Variants in PCDHA7 observed in about 807,000 individuals in gnomAD.
PCDHA7 encodes the protein protocadherin alpha 7.
A neutral mutation model predicts 57.2 loss-of-function variants in PCDHA7; 37 were observed. The observed-to-expected ratio is 0.65, with a 90% CI of 0.50 to 0.85. The LOEUF (loss-of-function observed/expected upper bound fraction) is 0.85, where lower values mean the gene tolerates loss of function less well. Ranked by LOEUF, PCDHA7 falls within the 40% of genes least tolerant of loss-of-function variation. The probability of loss-of-function intolerance (pLI) is 0.00; values close to 1 mark genes in which losing one functional copy is unlikely to be tolerated. For missense variants in PCDHA7, 1,188 were observed against 1,241.8 expected (o/e 0.96, Z 0.65); for synonymous variants, 553 against 558.8 (o/e 0.99, Z 0.15).
chr5:140,938,261 A>G (rs1325957872), intron 1 of PCDHA7, among the ~76,000 whole-genome samples: 2 of 152,182 alleles, frequency 1.3e-5, no homozygotes, highest in Non-Finnish European at 2.9e-5. Flanking sequence ...AAAACTTTCT[A>G]ATCACATAGT....
intron 1 of PCDHA7, among the ~76,000 whole-genome samples, chr5:140,938,125 A>T (rs1339364898): frequency 6.6e-6 from 1 of 152,120 alleles, no homozygotes; most frequent in Non-Finnish European, 1.5e-5. Context: ...TTTTTTAAAA[A>T]AATAGAGATA....
intron 1 of PCDHA7, among the ~76,000 whole-genome samples, chr5:140,880,574 AGAGAG>A (rs2058389036): frequency 1.3e-5 from 2 of 152,226 alleles, no homozygotes; most frequent in African/African-American, 4.8e-5. Flanking sequence ...GAATTTGAGA[AGAGAG>A]GAAAGAGAAT....
At chr5:140,984,751 T>A (rs2097118127) in intron 3 of PCDHA7, among the ~76,000 whole-genome samples, 1 of 152,158 alleles carries the variant, frequency 6.6e-6, no homozygotes. Context: ...CAGATTTGAG[T>A]TGAATTCTAA....
At position 140,883,814 on chromosome 5, in the gene PCDHA7, A is replaced by C. The variant is rs782678422; in HGVS notation, c.2355+47076A>C. 6.2e-7 allele frequency: 1 copy of C among 1,612,478 alleles called. No homozygotes were observed. ...CGTGTCGGTGCACGCGGAGAGCGGC[A>C]AGGTGTACGCGCTGCAGCCGTTGGA... On this transcript the variant is annotated intron_variant, in intron 1 of 3. Coordinates refer to ENST00000525929, the MANE Select transcript of PCDHA7 (RefSeq NM_018910.3).
rs2150225507 is a variant in PCDHA7 at position 140,834,752 on chromosome 5, G to A, written c.369G>A (p.Val123=). ...PLQVFHVDVE[V]KDINDNPPVF... The stretch of plus-strand genomic sequence containing the variant: ...AGGTTTTCCATGTGGACGTGGAGGT[G>A]AAGGACATTAACGACAACCCTCCGG... Residue 123 remains valine, a synonymous_variant, in exon 1 of 4, where the codon GTG becomes GTA. Coordinates refer to ENST00000525929, the MANE Select transcript of PCDHA7 (RefSeq NM_018910.3). The A allele has an allele frequency of 1.1e-5, 17 of 1,614,188 alleles. No homozygotes were observed. In the Admixed American group the frequency reaches 2.7e-4, roughly 25 times the overall value.
intron 1 of PCDHA7, chr5:140,857,132 G>C: frequency 6.3e-7 from 1 of 1,598,262 alleles, no homozygotes; most frequent in Non-Finnish European, 8.6e-7. Flanking sequence ...GAAAGAAGAT[G>C]CTCAAGTGGG....
chr5:140,875,738 G>A (rs1197047985), intron 1 of PCDHA7: 2 of 1,614,204 alleles, frequency 1.2e-6, no homozygotes, highest in Non-Finnish European at 1.7e-6. Context: ...GTGAATTCTC[G>A]GATCGACCGC....
intron 1 of PCDHA7, among the ~76,000 whole-genome samples, chr5:140,960,257 C>T (rs1554224600): frequency 6.6e-6 from 1 of 152,186 alleles, no homozygotes; most frequent in African/African-American, 2.4e-5. Flanking sequence ...CCTGGAGCTT[C>T]TGATAAATTC....
chr5:140,899,721 T>C (rs1415074846), intron 1 of PCDHA7, among the ~76,000 whole-genome samples: 1 of 152,250 alleles, frequency 6.6e-6, no homozygotes, highest in Non-Finnish European at 1.5e-5. Flanking sequence ...GATTCCCTCT[T>C]TTTCTATTGA....
chr5:140,900,312 T>C (rs902600593), intron 1 of PCDHA7, among the ~76,000 whole-genome samples: 1 of 151,284 alleles, frequency 6.6e-6, no homozygotes, highest in African/African-American at 2.4e-5. Flanking sequence ...AGTCTCACTT[T>C]TGTCGCCCAG....
rs190994194 is a variant in PCDHA7, at chr5:140,913,276, C to T, written c.2356-65673C>T. On this transcript the variant is annotated intron_variant, in intron 1 of 3. Transcript: ENST00000525929. ...TTTGATCTAATTACTTGTTATTGGTCTGTTTAGGTTTTAATTTCTTCATAG... is the reference window on the plus strand; with the variant it reads ...TTTGATCTAATTACTTGTTATTGGTTTGTTTAGGTTTTAATTTCTTCATAG... Among the ~76,000 whole-genome samples, 291 of 152,186 alleles carry T rather than the reference C, an allele frequency of 1.9e-3. 1 individual carries two copies. The highest frequency in any genetic ancestry group is 0.01 in the Middle Eastern group (3 of 294).
At chr5:140,975,963 A>G (rs2096691903) in intron 1 of PCDHA7, among the ~76,000 whole-genome samples, 1 of 152,186 alleles carries the variant, frequency 6.6e-6, no homozygotes, top group Non-Finnish European at 1.5e-5. Flanking sequence ...TTCTTCACCA[A>G]TAGAAAGTAA....
At chr5:140,967,733 C>T (rs1473723959) in intron 1 of PCDHA7, 7 of 1,614,024 alleles carry the variant, frequency 4.3e-6, no homozygotes, top group Non-Finnish European at 5.9e-6. Context: ...AATTGGGGGG[C>T]TGGATTATGA....
chr5:140,987,149 G>A (rs1380803903), intron 3 of PCDHA7, among the ~76,000 whole-genome samples: 1 of 151,884 alleles, frequency 6.6e-6, no homozygotes, highest in African/African-American at 2.4e-5. Context: ...GGGAGGTGGA[G>A]GTTGCAGTGA....
intron 1 of PCDHA7, among the ~76,000 whole-genome samples, chr5:140,953,567 C>G (rs1385823859): frequency 6.6e-6 from 1 of 152,018 alleles, no homozygotes; most frequent in Non-Finnish European, 1.5e-5. Flanking sequence ...TTTTAGTGCC[C>G]TCCTCTCCCA....
At chr5:140,882,062 T>G (rs78484684) in intron 1 of PCDHA7, 9 of 812,456 alleles carry the variant, frequency 1.1e-5, no homozygotes, top group Non-Finnish European at 1.5e-5. Flanking sequence ...CACTTACACG[T>G]TCATGCGCAT....
chr5:140,967,471 A>G (rs2096144842), intron 1 of PCDHA7: 3 of 1,613,466 alleles, frequency 1.9e-6, no homozygotes, highest in Middle Eastern at 1.7e-4. Context: ...GGGGCATCCC[A>G]GCCCGCTCGG....
At chr5:140,838,971 A>C (rs139822450) in intron 1 of PCDHA7, among the ~76,000 whole-genome samples, 1 of 152,152 alleles carries the variant, frequency 6.6e-6, no homozygotes, top group East Asian at 1.9e-4. Context: ...CAGAACTGAC[A>C]ATTTTCACTG....
intron 1 of PCDHA7, among the ~76,000 whole-genome samples, chr5:140,921,661 A>C (rs1554200347): frequency 1.3e-5 from 2 of 152,226 alleles, no homozygotes; most frequent in African/African-American, 4.8e-5. Context: ...CTTAATAAAA[A>C]TTTAACAGTT....
Sources: allele counts gnomAD v4.1 joint callset (sites outside exome capture counted in the v4.1 genomes callset), GRCh38; gene constraint gnomAD v4.1.1; transcripts MANE v1.5; gene names NCBI Gene and HGNC (gene_info 2026-07-23, HGNC 2026-07-21).